SLC35F3: variants seen among roughly 807,000 people sequenced by gnomAD.
The protein encoded by SLC35F3 is solute carrier family 35 member F3.
A neutral mutation model predicts 49.9 loss-of-function variants in SLC35F3; 25 were observed. The ratio of observed to expected loss-of-function variants is 0.50; its 90% CI spans 0.37 to 0.70. SLC35F3 has a LOEUF of 0.70. SLC35F3 is among the 30% of genes least tolerant of loss of function. SLC35F3 has a pLI of 0.00. For missense variants in SLC35F3, 525 were observed against 639.8 expected (o/e 0.82, Z 1.94); for synonymous variants, 275 against 265.4 (o/e 1.04, Z -0.35).
chr1:234,121,360 G>C (rs1488326987), intron 2 of SLC35F3, among the ~76,000 whole-genome samples: 1 of 151,508 alleles, frequency 6.6e-6, no homozygotes, highest in Non-Finnish European at 1.5e-5. Flanking sequence ...GGATGGTCTC[G>C]ATCTCCTGAC....
At chr1:234,232,536 A>AAAG (rs1553317280) in intron 3 of SLC35F3, among the ~76,000 whole-genome samples, 4 of 138,540 alleles carry the variant, frequency 2.9e-5, no homozygotes, top group African/African-American at 7.7e-5. Context: ...AAAAAAAAAA[A>AAAG]AAAAGAAAAA....
Position 234,323,174 on chromosome 1 carries a change from G to T in SLC35F3, c.1404G>T (p.Glu468Asp). The T allele has an allele frequency of 6.2e-7, 1 of 1,614,158 alleles. No individual in the cohort carries two copies. Among genetic ancestry groups the T allele is most frequent in the East Asian group, 2.2e-5 (1 of 44,888 alleles). The change falls in exon 8 of 8, where the codon GAG becomes GAT. Residue 468 changes from glutamate to aspartate, a missense_variant. Glu to Asp is a conservative substitution (Grantham distance 45). Coordinates refer to ENST00000366618, the MANE Select transcript of SLC35F3 (RefSeq NM_173508.4). This position sits in a 1 kb window ranked among gnomAD's most constrained non-coding sequence, Gnocchi z 4.5. Reference protein sequence around the residue: ...LKVRKKEEPAEGAADLSSGPQ... With the variant: ...LKVRKKEEPADGAADLSSGPQ... Reference sequence around the variant, plus strand: ...TGAGGAAGAAGGAGGAGCCTGCAGAGGGCGCTGCCGACCTGAGCTCAGGAC... The same window carrying T: ...TGAGGAAGAAGGAGGAGCCTGCAGATGGCGCTGCCGACCTGAGCTCAGGAC...
intron 3 of SLC35F3, among the ~76,000 whole-genome samples, chr1:234,271,810 G>T (rs1668110727): frequency 6.6e-6 from 1 of 152,094 alleles, no homozygotes; most frequent in African/African-American, 2.4e-5. Context: ...TGCAGGGATT[G>T]AGCTCCATTT....
intron 2 of SLC35F3, among the ~76,000 whole-genome samples, chr1:234,059,301 TAAC>T (rs1307345244): frequency 6.6e-6 from 1 of 152,154 alleles, no homozygotes; most frequent in African/African-American, 2.4e-5. Context: ...CAGGCATTTA[TAAC>T]TATAAACTTT....
At chr1:234,040,196 C>T (rs1664200025) in intron 2 of SLC35F3, among the ~76,000 whole-genome samples, 1 of 152,132 alleles carries the variant, frequency 6.6e-6, no homozygotes, top group Non-Finnish European at 1.5e-5. Context: ...CGCCTCTCTC[C>T]TCTGAAGTCA....
At chr1:234,028,528 G>A (rs1417350115) in intron 2 of SLC35F3, among the ~76,000 whole-genome samples, 6 of 152,178 alleles carry the variant, frequency 3.9e-5, no homozygotes, top group African/African-American at 1.4e-4. Flanking sequence ...CTGTCCTGGT[G>A]TTCTGTGGAG....
At chr1:234,211,084 G>T (rs777551722) in intron 2 of SLC35F3, among the ~76,000 whole-genome samples, 2 of 152,258 alleles carry the variant, frequency 1.3e-5, no homozygotes, top group African/African-American at 2.4e-5. Flanking sequence ...GCTTCAGGAG[G>T]TGTAAACCCC....
At chr1:234,240,251 C>G (rs1312992852) in intron 3 of SLC35F3, among the ~76,000 whole-genome samples, 2 of 152,176 alleles carry the variant, frequency 1.3e-5, no homozygotes, top group East Asian at 3.8e-4. Flanking sequence ...GGGCGGATCA[C>G]TTGAGCCCAG....
Position 234,223,964 on chromosome 1 carries a change from C to A in SLC35F3, c.284-7453C>A, listed in dbSNP as rs545450847. ...TGTATGGAGAGAGAGAGATAGAAAA[C>A]AAACTCCCTGATGTCTCTTCTTATA... On this transcript the variant is annotated intron_variant, in intron 2 of 7. Coordinates refer to ENST00000366618, the MANE Select transcript of SLC35F3 (RefSeq NM_173508.4). Among the ~76,000 whole-genome samples, 36 of 152,308 alleles carry A rather than the reference C, an allele frequency of 2.4e-4. No homozygotes were observed. In the South Asian group the frequency reaches 7.5e-3, roughly 32 times the overall value.
intron 2 of SLC35F3, among the ~76,000 whole-genome samples, chr1:233,988,891 A>G (rs1479014650): frequency 6.6e-6 from 1 of 152,204 alleles, no homozygotes; most frequent in African/African-American, 2.4e-5. Context: ...AAGCAGTGCA[A>G]TAGAGTTGAT....
intron 2 of SLC35F3, among the ~76,000 whole-genome samples, chr1:234,227,130 G>T (rs1276920294): frequency 6.6e-6 from 1 of 152,150 alleles, no homozygotes; most frequent in Non-Finnish European, 1.5e-5. Flanking sequence ...TACAGCGTCT[G>T]TCAGCACGAG....
chr1:234,231,509 A>G lies in SLC35F3; in HGVS notation c.376A>G (p.Thr126Ala). 1 of 1,613,546 alleles carries G rather than the reference A, an allele frequency of 6.2e-7. No individual in the cohort carries two copies. The highest frequency in any genetic ancestry group is 8.5e-7 in the Non-Finnish European group (1 of 1,179,792). The change falls in exon 3 of 8, where the codon ACG becomes GCG. Residue 126 changes from threonine (T) to alanine (A), a missense_variant. Thr to Ala is a moderately conservative substitution (Grantham distance 58, BLOSUM62 0). Transcript: ENST00000366618. This position sits in a 1 kb window ranked among gnomAD's most constrained non-coding sequence, Gnocchi z 5.4. ...CGGGAGAGCGAGTCGCCGCTGCTGG[A>G]CGTGCTCCCGGGCGCAACTCAAGAA... The part of the protein sequence containing the change: ...AGGRASRRCW[T>A]CSRAQLKKIF...
At chr1:234,147,162 C>A (rs566098934) in intron 2 of SLC35F3, among the ~76,000 whole-genome samples, 19 of 150,612 alleles carry the variant, frequency 1.3e-4, no homozygotes, top group African/African-American at 4.4e-4. Flanking sequence ...AAAGGATGGA[C>A]TTACCTTATC....
intron 2 of SLC35F3, among the ~76,000 whole-genome samples, chr1:233,921,921 C>T (rs1662068626): frequency 6.6e-6 from 1 of 151,520 alleles, no homozygotes; most frequent in Non-Finnish European, 1.5e-5. Context: ...CGATAGTTTG[C>T]TCAGAATGAT....
intron 2 of SLC35F3, among the ~76,000 whole-genome samples, chr1:234,206,601 G>A (rs1190603665): frequency 1.3e-5 from 2 of 152,016 alleles, no homozygotes; most frequent in Admixed American, 6.5e-5. Flanking sequence ...GACTTTCCAC[G>A]CATTCGTTCA....
intron 2 of SLC35F3, among the ~76,000 whole-genome samples, chr1:234,091,024 A>G (rs1012291797): frequency 1.3e-5 from 2 of 152,252 alleles, no homozygotes; most frequent in African/African-American, 4.8e-5. Context: ...CAATGGTGCA[A>G]TAACTTCACT....
chr1:234,141,402 G>T (rs1237699921), intron 2 of SLC35F3, among the ~76,000 whole-genome samples: 1 of 151,914 alleles, frequency 6.6e-6, no homozygotes, highest in African/African-American at 2.4e-5. Flanking sequence ...CTTTACTAAG[G>T]GTTAATTGGT....
chr1:233,940,766 C>T (rs1662407837), intron 2 of SLC35F3, among the ~76,000 whole-genome samples: 1 of 152,174 alleles, frequency 6.6e-6, no homozygotes, highest in Admixed American at 6.5e-5. Context: ...CTAAAAATTT[C>T]TGCACTGACT....
chr1:234,275,571 GTAGT>G (rs59483722), intron 3 of SLC35F3, among the ~76,000 whole-genome samples: 8,725 of 151,568 alleles, frequency 0.058, 286 homozygotes, highest in African/African-American at 0.088. Flanking sequence ...TTGTAGGTAG[GTAGT>G]TAGGTAGGTA....
Sources: gnomAD v4.1 joint callset for allele counts (sites outside exome capture counted in the v4.1 genomes callset) on GRCh38, gnomAD v4.1.1 for gene constraint, Gnocchi (gnomAD v3.1) non-coding constraint, MANE v1.5 for transcripts, NCBI Gene and HGNC (gene_info 2026-07-23, HGNC 2026-07-21) for gene names.